The following TRPM3 variants were observed in gnomAD, a reference collection of about 807,000 sequenced individuals.
TRPM3 encodes the protein long transient receptor potential channel 3.
TRPM3 carries 77 observed loss-of-function variants against 181.2 expected under a neutral mutation model. The ratio of observed to expected loss-of-function variants is 0.42; its 90% confidence interval spans 0.35 to 0.51. The LOEUF (loss-of-function observed/expected upper bound fraction) is 0.51, where lower values mean the gene tolerates loss of function less well. Among genes scored for constraint, TRPM3 ranks in the 20% least tolerant of loss-of-function variants. The pLI, the probability that TRPM3 is intolerant of heterozygous loss-of-function variation, is 0.01. For synonymous variants in TRPM3, 745 were observed against 796.4 expected (o/e 0.94, Z 1.09); for missense variants, 1,759 against 2,196.7 (o/e 0.80, Z 3.98).
At chr9:70,539,807 A>G (rs769312701) in intron 25 of TRPM3, among the ~76,000 whole-genome samples, 23 of 152,036 alleles carry the variant, frequency 1.5e-4, no homozygotes, top group Non-Finnish European at 3.1e-4. Flanking sequence ...CTGTAGTTAA[A>G]TTTTTTACAA....
intron 1 of TRPM3, among the ~76,000 whole-genome samples, chr9:71,282,124 G>C (rs1358021322): frequency 2.4e-5 from 2 of 84,298 alleles, no homozygotes; most frequent in Non-Finnish European, 2.7e-5. Context: ...GAAAAAGAAA[G>C]AACGAAAGAA....
chr9:70,771,862 G>A (rs934230384), intron 7 of TRPM3, among the ~76,000 whole-genome samples: 1 of 152,066 alleles, frequency 6.6e-6, no homozygotes, highest in African/African-American at 2.4e-5. Flanking sequence ...TATATAATGT[G>A]TTTATGGATT....
intron 7 of TRPM3, chr9:70,774,030 A>G (rs1217739915): frequency 1.3e-5 from 2 of 152,218 alleles, no homozygotes; most frequent in Non-Finnish European, 2.9e-5. Context: ...TTGTTAATCT[A>G]TCACAGTACG....
chr9:70,797,308 C>T (rs886234246), intron 6 of TRPM3, among the ~76,000 whole-genome samples: 1 of 152,114 alleles, frequency 6.6e-6, no homozygotes, highest in African/African-American at 2.4e-5. Context: ...AGCGTCTGTG[C>T]TCATTGGTTT....
At chr9:71,106,544 C>G (rs545578360) in intron 1 of TRPM3, among the ~76,000 whole-genome samples, 4 of 152,130 alleles carry the variant, frequency 2.6e-5, no homozygotes, top group Non-Finnish European at 5.9e-5. Flanking sequence ...GAAGCACATG[C>G]TGGCCCCAAG....
intron 1 of TRPM3, among the ~76,000 whole-genome samples, chr9:71,319,409 C>T (rs1175011185): frequency 6.6e-6 from 1 of 152,086 alleles, no homozygotes; most frequent in Non-Finnish European, 1.5e-5. Flanking sequence ...ATATCAAGAC[C>T]CAAGAGCCAG....
intron 1 of TRPM3, among the ~76,000 whole-genome samples, chr9:71,179,568 T>G (rs1051712651): frequency 6.6e-6 from 1 of 152,158 alleles, no homozygotes; most frequent in Non-Finnish European, 1.5e-5. Flanking sequence ...CTGAACAAAT[T>G]AGATTTTGAG....
At chr9:71,181,353 A>G (rs1458263209) in intron 1 of TRPM3, among the ~76,000 whole-genome samples, 1 of 137,780 alleles carries the variant, frequency 7.3e-6, no homozygotes, top group Non-Finnish European at 1.5e-5. Context: ...AAAAGAATAG[A>G]ATGGGAAACT....
intron 1 of TRPM3, among the ~76,000 whole-genome samples, chr9:71,134,615 T>A (rs1403435134): frequency 6.7e-6 from 1 of 149,672 alleles, no homozygotes; most frequent in African/African-American, 2.5e-5. Flanking sequence ...AATTAAAGAA[T>A]CCAAATGCCT....
At chr9:70,892,434 C>T (rs1338083761) in intron 1 of TRPM3, among the ~76,000 whole-genome samples, 2 of 151,932 alleles carry the variant, frequency 1.3e-5, no homozygotes, top group African/African-American at 4.8e-5. Context: ...AGATTACAAA[C>T]AATATCAAAA....
chr9:70,780,415 A>G (rs1389101301), intron 7 of TRPM3, among the ~76,000 whole-genome samples: 1 of 152,174 alleles, frequency 6.6e-6, no homozygotes, highest in African/African-American at 2.4e-5. Context: ...AGATTTGTTT[A>G]TATGATCACA....
At chr9:70,870,292 T>C (rs1324555375) in intron 1 of TRPM3, among the ~76,000 whole-genome samples, 1 of 152,082 alleles carries the variant, frequency 6.6e-6, no homozygotes, top group Non-Finnish European at 1.5e-5. Flanking sequence ...CCACATTTTC[T>C]GGTCTGTAAC....
chr9:70,979,692 G>T (rs551235046), intron 1 of TRPM3, among the ~76,000 whole-genome samples: 5 of 152,288 alleles, frequency 3.3e-5, no homozygotes, highest in African/African-American at 9.6e-5. Context: ...GTCATAGTCT[G>T]CTCAAGGCTG....
intron 1 of TRPM3, among the ~76,000 whole-genome samples, chr9:71,180,448 A>G (rs1197462804): frequency 6.6e-6 from 1 of 152,198 alleles, no homozygotes; most frequent in East Asian, 1.9e-4. Context: ...TAATTCCCTA[A>G]GAATCCATTT....
intron 22 of TRPM3, among the ~76,000 whole-genome samples, chr9:70,569,497 A>G (rs2132134182): frequency 6.6e-6 from 1 of 152,368 alleles, no homozygotes; most frequent in East Asian, 1.9e-4. Flanking sequence ...GGAACTAGTT[A>G]TATTGACGGT....
intron 1 of TRPM3, among the ~76,000 whole-genome samples, chr9:71,062,575 C>A (rs2061451623): frequency 6.6e-6 from 1 of 152,070 alleles, no homozygotes; most frequent in African/African-American, 2.4e-5. Flanking sequence ...TTTCTTTGAG[C>A]AAATGCAAAT....
At chr9:70,642,146 CAT>C (rs1470144839) in intron 9 of TRPM3, among the ~76,000 whole-genome samples, 2 of 152,278 alleles carry the variant, frequency 1.3e-5, no homozygotes, top group South Asian at 2.1e-4. Flanking sequence ...AAACATCAAA[CAT>C]GTGCTGGGCA....
chr9:70,844,497 A>C (rs1028039370), intron 4 of TRPM3, among the ~76,000 whole-genome samples: 5 of 152,192 alleles, frequency 3.3e-5, no homozygotes, highest in Admixed American at 2.0e-4. Context: ...AAACTCCCCC[A>C]AAAAAGGCTG....
At chr9:71,425,627 CTTCTT>C (rs1277568345) in intron 1 of TRPM3, among the ~76,000 whole-genome samples, 1 of 152,266 alleles carries the variant, frequency 6.6e-6, no homozygotes, top group Non-Finnish European at 1.5e-5. Flanking sequence ...TAACCTCTCA[CTTCTT>C]TTCTTTTGCC....
Sources: allele counts gnomAD v4.1 joint callset (sites outside exome capture counted in the v4.1 genomes callset), GRCh38; gene constraint gnomAD v4.1.1; transcripts MANE v1.5; gene names NCBI Gene and HGNC (gene_info 2026-07-23, HGNC 2026-07-21).